The following ZCWPW2 variants were observed in gnomAD, a reference collection of about 807,000 sequenced individuals.
The protein encoded by ZCWPW2 is zinc finger CW-type and PWWP domain containing 2, also known as zinc finger CW-type PWWP domain protein 2.
A neutral mutation model predicts 46.6 loss-of-function variants in ZCWPW2; 45 were observed. The ratio of observed to expected loss-of-function variants is 0.96; its 90% CI spans 0.76 to 1.24. The LOEUF (loss-of-function observed/expected upper bound fraction) is 1.24. ZCWPW2 is among the 50% of genes most tolerant of loss of function. The probability of loss-of-function intolerance (pLI) is 0.00; values close to 1 mark genes in which losing one functional copy is unlikely to be tolerated. For missense variants in ZCWPW2, 429 were observed against 403.9 expected (o/e 1.06, Z -0.53); for synonymous variants, 152 against 137.1 (o/e 1.11, Z -0.76).
intron 5 of ZCWPW2, among the ~76,000 whole-genome samples, chr3:28,484,607 G>A (rs1014345676): frequency 1.3e-5 from 2 of 151,950 alleles, no homozygotes; most frequent in Admixed American, 6.6e-5. Flanking sequence ...AATGTCCATG[G>A]GATTTGTTAT....
intron 1 of ZCWPW2, among the ~76,000 whole-genome samples, chr3:28,373,352 A>G (rs972147720): frequency 5.3e-5 from 8 of 152,100 alleles, no homozygotes; most frequent in Admixed American, 3.3e-4. Flanking sequence ...AGCCATTTTT[A>G]CTGGGGTGGG....
At chr3:28,366,951 C>G (rs1373936178) in intron 1 of ZCWPW2, among the ~76,000 whole-genome samples, 7 of 152,160 alleles carry the variant, frequency 4.6e-5, no homozygotes, top group African/African-American at 9.7e-5. Context: ...ATAGTATTCT[C>G]TGATGGTAGT....
intron 4 of ZCWPW2, among the ~76,000 whole-genome samples, chr3:28,435,535 G>T (rs1454311911): frequency 3.4e-5 from 5 of 148,804 alleles, no homozygotes; most frequent in African/African-American, 1.2e-4. Flanking sequence ...ACCCAGGCTG[G>T]AGTGCAATGG....
intron 4 of ZCWPW2, among the ~76,000 whole-genome samples, chr3:28,468,194 G>A (rs115725838): frequency 0.012 from 1,764 of 151,996 alleles, 18 homozygotes; most frequent in Non-Finnish European, 0.019. Context: ...AAGCATCAGA[G>A]TCTCAATAGC....
chr3:28,467,241 A>G (rs1366153745), intron 4 of ZCWPW2, among the ~76,000 whole-genome samples: 1 of 152,112 alleles, frequency 6.6e-6, no homozygotes, highest in Non-Finnish European at 1.5e-5. Flanking sequence ...CAAGGAAGAA[A>G]GACTTACATG....
At position 28,524,548 on chromosome 3, in the gene ZCWPW2, G is replaced by A; in HGVS notation, c.931G>A (p.Ala311Thr). 6.2e-7 allele frequency: 1 copy of A among 1,603,368 alleles called. No individual in the cohort carries two copies. The highest frequency in any genetic ancestry group is 1.3e-5 in the African/African-American group (1 of 74,468). ...GEKLSKCSPE[A>T]PAGSLFENHY... ...GCAGTTATCTAAATGCAGCCCAGAA[G>A]CTCCTGCAGGCAGTCTGTTTGAAAA... Residue 311 changes from alanine (A) to threonine (T), a missense_variant, in exon 10 of 10, where the codon GCT becomes ACT. Transcript: ENST00000383768.
At chr3:28,356,488 G>A (rs1704736041) in intron 1 of ZCWPW2, among the ~76,000 whole-genome samples, 1 of 152,200 alleles carries the variant, frequency 6.6e-6, no homozygotes, top group Admixed American at 6.5e-5. Flanking sequence ...ATTTGATCCA[G>A]CCATCCCATT....
intron 2 of ZCWPW2, among the ~76,000 whole-genome samples, chr3:28,402,327 AGAG>A (rs1312062231): frequency 6.6e-6 from 1 of 152,142 alleles, no homozygotes; most frequent in African/African-American, 2.4e-5. Flanking sequence ...AAAACCTAGA[AGAG>A]ATGGAAAAAT....
At chr3:28,477,239 CT>C (rs1299193904) in intron 4 of ZCWPW2, among the ~76,000 whole-genome samples, 12 of 152,038 alleles carry the variant, frequency 7.9e-5, no homozygotes, top group African/African-American at 2.7e-4. Context: ...TGAATTGTAT[CT>C]GCCTCTTTTC....
chr3:28,375,150 GTT>G (rs796885722), intron 1 of ZCWPW2, among the ~76,000 whole-genome samples: 1 of 144,122 alleles, frequency 6.9e-6, no homozygotes, highest in Non-Finnish European at 1.5e-5. Flanking sequence ...TAACTACTTG[GTT>G]TTTTTTTTTA....
chr3:28,514,031 G>T, intron 6 of ZCWPW2, 33 bp from the exon 7 acceptor site: 1 of 1,461,334 alleles, frequency 6.8e-7, no homozygotes, highest in Non-Finnish European at 9.3e-7. Flanking sequence ...AGTCCTATAT[G>T]AACTAACTCA....
intron 4 of ZCWPW2, among the ~76,000 whole-genome samples, chr3:28,475,083 A>T (rs756045255): frequency 1.3e-5 from 2 of 151,904 alleles, no homozygotes; most frequent in African/African-American, 2.4e-5. Flanking sequence ...AGCTCAGGCA[A>T]CCTGTCCAAC....
At chr3:28,439,145 GTATATA>G (rs35880062) in intron 4 of ZCWPW2, among the ~76,000 whole-genome samples, 11 of 142,150 alleles carry the variant, frequency 7.7e-5, no homozygotes, top group Non-Finnish European at 1.7e-4. Flanking sequence ...CATAGGATGT[GTATATA>G]TATATATATA....
chr3:28,386,422 G>C lies in ZCWPW2; in HGVS notation c.-133-4076G>C, dbSNP rs60183549. Among the ~76,000 whole-genome samples, 1,037 of 152,218 alleles carry C rather than the reference G, an allele frequency of 6.8e-3. 10 individuals are homozygous for C. Among genetic ancestry groups the C allele is most frequent in the African/African-American group, 0.023 (940 of 41,538 alleles). ...ATAAGTTGTTTAAGTTATCCAGTCT[G>C]TGATATTTTGTTATTCCTCCCCAAG... On this transcript the variant is annotated intron_variant, in intron 1 of 9. Transcript: ENST00000383768.
chr3:28,493,041 G>C (rs1432165285), intron 6 of ZCWPW2, among the ~76,000 whole-genome samples: 2 of 118,450 alleles, frequency 1.7e-5, no homozygotes, highest in East Asian at 5.0e-4. Context: ...CTAAAATCAG[G>C]TTTTGTTTTA....
At chr3:28,475,277 CA>C (rs977696095) in intron 4 of ZCWPW2, among the ~76,000 whole-genome samples, 3 of 152,172 alleles carry the variant, frequency 2.0e-5, no homozygotes, top group Admixed American at 2.0e-4. Flanking sequence ...AACCAGTTTT[CA>C]AGTGGTCAGG....
At chr3:28,483,162 T>C (rs1699488306) in intron 5 of ZCWPW2, among the ~76,000 whole-genome samples, 4 of 152,206 alleles carry the variant, frequency 2.6e-5, no homozygotes. Flanking sequence ...TTCCTTTTTG[T>C]GAAAGGTGTA....
intron 4 of ZCWPW2, among the ~76,000 whole-genome samples, chr3:28,436,326 T>TC (rs201319151): frequency 0.012 from 1,675 of 143,874 alleles, 29 homozygotes; most frequent in African/African-American, 0.032. Flanking sequence ...TTTTTTTCTT[T>TC]TTTTTTTTTT....
intron 1 of ZCWPW2, among the ~76,000 whole-genome samples, chr3:28,381,532 C>T (rs1695104804): frequency 6.6e-6 from 1 of 152,082 alleles, no homozygotes; most frequent in South Asian, 2.1e-4. Flanking sequence ...TGGACCCATG[C>T]AGTTCAAACC....
Sources: gnomAD v4.1 joint callset for allele counts (sites outside exome capture counted in the v4.1 genomes callset) on GRCh38, gnomAD v4.1.1 for gene constraint, MANE v1.5 for transcripts, NCBI Gene and HGNC (gene_info 2026-07-23, HGNC 2026-07-21) for gene names.